Variants in FANCD2 observed in about 807,000 individuals in gnomAD.
FANCD2 encodes FA complementation group D2.
A neutral mutation model predicts 192.3 loss-of-function variants in FANCD2; 131 were observed. The ratio of observed to expected loss-of-function variants is 0.68; its 90% CI spans 0.59 to 0.79. The LOEUF is 0.79. Ranked by LOEUF, FANCD2 falls within the 30% of genes least tolerant of loss-of-function variation. FANCD2 has a pLI of 0.00. For missense variants in FANCD2, 1,508 were observed against 1,701.6 expected, an observed-to-expected ratio of 0.89 and a Z score of 2.00; for synonymous variants, 524 against 612.5, an observed-to-expected ratio of 0.86 and a Z score of 2.13.
intron 26 of FANCD2, among the ~76,000 whole-genome samples, chr3:10,069,493 C>CTCTCCACG (rs1192186972): frequency 2.2e-4 from 29 of 134,318 alleles, no homozygotes; most frequent in African/African-American, 9.0e-4. Flanking sequence ...CCCCCTCTCC[C>CTCTCCACG]GTCTCCCTCT....
intron 26 of FANCD2, among the ~76,000 whole-genome samples, chr3:10,069,767 A>G (rs1289925244): frequency 6.6e-6 from 1 of 152,138 alleles, no homozygotes; most frequent in Admixed American, 6.5e-5. Context: ...CTCAGTGCTC[A>G]ATGGTGCCCA....
chr3:10,098,740 A>G lies in FANCD2; in HGVS notation c.4206A>G (p.Gln1402=), dbSNP rs745841768. ...RDLQGEEIKS[Q]NSQESTADES... is the part of the protein sequence containing the mutation. The stretch of plus-strand genomic sequence containing the variant: ...TTTAGGGTGAAGAGATTAAGTCCCA[A>G]AATTCCCAGGAGAGCACAGCAGATG... The change falls in exon 43 of 44, where the codon CAA becomes CAG. Residue 1402 remains glutamine (Q), a synonymous_variant. Coordinates refer to ENST00000675286, the MANE Select transcript of FANCD2 (RefSeq NM_001018115.3). The G allele has an allele frequency of 5.5e-5, 89 of 1,614,078 alleles. No individual in the cohort carries two copies. In the Admixed American group the frequency reaches 1.4e-3, roughly 25 times the overall value.
intron 9 of FANCD2, chr3:10,040,518 A>G: frequency 6.6e-6 from 3 of 456,454 alleles, no homozygotes; most frequent in South Asian, 4.6e-5. Flanking sequence ...TTAAACATCT[A>G]CCTTCTTTGG....
At chr3:10,097,195 C>T (rs556920708) in intron 42 of FANCD2, among the ~76,000 whole-genome samples, 7 of 152,136 alleles carry the variant, frequency 4.6e-5, no homozygotes, top group East Asian at 1.9e-4. Flanking sequence ...ACCGCAGGAC[C>T]GAGGCGAAAT....
At chr3:10,074,386 C>G in intron 28 of FANCD2, 144 bp from the exon 29 acceptor site, 1 of 721,458 alleles carries the variant, frequency 1.4e-6, no homozygotes, top group African/African-American at 1.8e-5. Flanking sequence ...TATTTAGGGA[C>G]TTGGGCTAGA....
At chr3:10,028,978 A>G (rs1350794999) in intron 2 of FANCD2, among the ~76,000 whole-genome samples, 1 of 152,202 alleles carries the variant, frequency 6.6e-6, no homozygotes, top group Non-Finnish European at 1.5e-5. Flanking sequence ...TTTTTCTGCT[A>G]TACATCATTT....
intron 29 of FANCD2, among the ~76,000 whole-genome samples, chr3:10,075,314 G>T (rs1693474654): frequency 6.6e-6 from 1 of 151,992 alleles, no homozygotes; most frequent in Admixed American, 6.6e-5. Context: ...CTCCTGAGTA[G>T]CTGGGGCTAT....
intron 26 of FANCD2, among the ~76,000 whole-genome samples, chr3:10,069,951 C>A (rs1247144281): frequency 6.6e-6 from 1 of 150,874 alleles, no homozygotes; most frequent in African/African-American, 2.4e-5. Flanking sequence ...AGCCTCTCTG[C>A]CAGGCTGCCC....
chr3:10,042,029 C>T (rs953547167), intron 10 of FANCD2, among the ~76,000 whole-genome samples: 1 of 151,978 alleles, frequency 6.6e-6, no homozygotes, highest in African/African-American at 2.4e-5. Flanking sequence ...TCCCAAGTAG[C>T]TGGGGTTACA....
At chr3:10,049,026 T>A (rs1216960993) in intron 16 of FANCD2, among the ~76,000 whole-genome samples, 2 of 151,884 alleles carry the variant, frequency 1.3e-5, no homozygotes, top group Non-Finnish European at 2.9e-5. Flanking sequence ...AGTGCCATCT[T>A]TTTGAGGAAT....
intron 26 of FANCD2, among the ~76,000 whole-genome samples, chr3:10,069,359 A>G (rs926764270): frequency 3.3e-5 from 5 of 152,186 alleles, no homozygotes; most frequent in Admixed American, 2.6e-4. Flanking sequence ...AAAAGAAGAC[A>G]TACAAATAGT....
intron 18 of FANCD2, chr3:10,058,014 C>T: frequency 2.2e-6 from 1 of 449,146 alleles, no homozygotes; most frequent in South Asian, 1.9e-5. Context: ...ATCAAGTTTG[C>T]CCTTTCTGCC....
intron 1 of FANCD2, among the ~76,000 whole-genome samples, chr3:10,026,831 T>TA (rs1168644352): frequency 3.3e-5 from 5 of 152,198 alleles, no homozygotes; most frequent in African/African-American, 1.2e-4. Context: ...AGATGGCTGA[T>TA]AATGGTTATC....
At chr3:10,048,708 A>G (rs569662799) in intron 16 of FANCD2, among the ~76,000 whole-genome samples, 11 of 152,356 alleles carry the variant, frequency 7.2e-5, no homozygotes, top group Middle Eastern at 6.8e-3. Context: ...ATTTTTACAT[A>G]TATTCTTCCT....
chr3:10,042,651 GGATACACTT>G lies in FANCD2; in HGVS notation c.879_887del (p.Asp293_Leu295del), dbSNP rs770115679. The G allele has an allele frequency of 8.1e-6, 13 of 1,613,276 alleles. No individual in the cohort carries two copies. Among genetic ancestry groups the G allele is most frequent in the Non-Finnish European group, 1.1e-5 (13 of 1,179,270 alleles). ...TCATTCTTCATTCCGTAACAGCCAT[GGATACACTT>G]GAGGTATGCTCTTATATCCCATCAC... is the stretch of plus-strand genomic sequence containing the variant. On this transcript the variant is annotated inframe_deletion, in exon 11 of 44. Transcript: ENST00000675286.
chr3:10,043,918 T>C, intron 14 of FANCD2, 54 bp downstream of exon 14: 2 of 1,400,114 alleles, frequency 1.4e-6, no homozygotes, highest in Non-Finnish European at 2.0e-6. Context: ...AGTAATGACA[T>C]TGGCTAGCTT....
intron 27 of FANCD2, 63 bp downstream of exon 27, chr3:10,073,044 A>G: frequency 1.0e-6 from 1 of 993,378 alleles, no homozygotes; most frequent in Non-Finnish European, 1.6e-6. Context: ...TTAACCTAAA[A>G]GTTATGTGTA....
At chr3:10,073,183 T>G (rs1399289974) in intron 27 of FANCD2, 70 bp from the exon 28 acceptor site, 10 of 1,280,010 alleles carry the variant, frequency 7.8e-6, no homozygotes, top group Non-Finnish European at 1.1e-5. Context: ...GGTTGTTTTC[T>G]GAGGGCAATG....
chr3:10,093,345 G>A (rs775067132), intron 39 of FANCD2, 22 bp downstream of exon 39: 1 of 1,592,608 alleles, frequency 6.3e-7, no homozygotes, highest in South Asian at 1.1e-5. Context: ...ACTGGGCCCT[G>A]TTTCATATTT....
Sources: gnomAD v4.1 joint callset for allele counts (sites outside exome capture counted in the v4.1 genomes callset) on GRCh38, gnomAD v4.1.1 for gene constraint, MANE v1.5 for transcripts, NCBI Gene and HGNC (gene_info 2026-07-23, HGNC 2026-07-21) for gene names.